The following KCNQ3 variants were observed in gnomAD, a reference collection of about 807,000 sequenced individuals.
KCNQ3 encodes potassium voltage-gated channel subfamily Q member 3, also known as potassium voltage-gated channel subfamily KQT member 3.
In KCNQ3, 30 loss-of-function variants were observed where a neutral mutation model predicts 92.5. The observed-to-expected ratio is 0.32, with a 90% CI of 0.24 to 0.44. The LOEUF (loss-of-function observed/expected upper bound fraction) is 0.44. Ranked by LOEUF, KCNQ3 falls within the 20% of genes least tolerant of loss-of-function variation. The probability of loss-of-function intolerance (pLI) is 1.00; values close to 1 mark genes in which losing one functional copy is unlikely to be tolerated. For synonymous variants in KCNQ3, 450 were observed against 468.8 expected, an observed-to-expected ratio of 0.96 and a Z score of 0.52; for missense variants, 913 against 1,140.3, an observed-to-expected ratio of 0.80 and a Z score of 2.87.
At chr8:132,445,223 A>G (rs542831919) in intron 1 of KCNQ3, among the ~76,000 whole-genome samples, 5 of 152,286 alleles carry the variant, frequency 3.3e-5, no homozygotes, top group African/African-American at 1.2e-4. Flanking sequence ...CATTCCTGTC[A>G]CTGTCACTTC....
chr8:132,207,462 C>T (rs562457499), intron 1 of KCNQ3, among the ~76,000 whole-genome samples: 9 of 152,262 alleles, frequency 5.9e-5, no homozygotes, highest in East Asian at 5.8e-4. Flanking sequence ...CTAGGAAAAA[C>T]GGAAACTAGA....
chr8:132,431,171 C>T (rs140071848), intron 1 of KCNQ3, among the ~76,000 whole-genome samples: 2 of 152,286 alleles, frequency 1.3e-5, no homozygotes, highest in African/African-American at 4.8e-5. Flanking sequence ...CCAAACACCA[C>T]GCATCAGGAC....
intron 14 of KCNQ3, 42 bp from the exon 15 acceptor site, chr8:132,130,038 G>A (rs1412331668): frequency 1.9e-6 from 3 of 1,606,936 alleles, no homozygotes; most frequent in Non-Finnish European, 2.5e-6. Flanking sequence ...TTTCTCTGAG[G>A]GTGGGGATCG....
At chr8:132,439,827 C>G (rs1235783753) in intron 1 of KCNQ3, among the ~76,000 whole-genome samples, 1 of 152,164 alleles carries the variant, frequency 6.6e-6, no homozygotes, top group Non-Finnish European at 1.5e-5. Context: ...GGACTTCTGA[C>G]CTTCAGACAT....
At chr8:132,227,432 G>T (rs1814467338) in intron 1 of KCNQ3, among the ~76,000 whole-genome samples, 1 of 152,160 alleles carries the variant, frequency 6.6e-6, no homozygotes, top group Admixed American at 6.5e-5. Context: ...AGAGGAAAGG[G>T]CATGAAGACA....
chr8:132,448,502 GAAAAA>G, intron 1 of KCNQ3, among the ~76,000 whole-genome samples: 65 of 93,850 alleles, frequency 6.9e-4, no homozygotes, highest in East Asian at 6.5e-4. Flanking sequence ...GGAGAAATAT[GAAAAA>G]AAAAAAAAAA....
intron 1 of KCNQ3, among the ~76,000 whole-genome samples, chr8:132,456,798 G>C (rs1362426415): frequency 6.6e-6 from 1 of 152,008 alleles, no homozygotes; most frequent in Non-Finnish European, 1.5e-5. Flanking sequence ...ATTTTTAATA[G>C]AGACGGGGTT....
In KCNQ3 at chr8:132,326,868, T is replaced by G. The variant is rs142313676; in HGVS notation, c.387-140687A>C. On this transcript the variant is annotated intron_variant, in intron 1 of 14. Transcript: ENST00000388996. ...ACTGAGATACTCATTCATTTATTCA[T>G]TCATTTACTCATTTGCCTTATCAAA... Among the ~76,000 whole-genome samples the G allele has an allele frequency of 1.8e-4, 27 of 152,368 alleles. No individual in the cohort carries two copies. In the East Asian group the frequency reaches 2.5e-3, roughly 14 times the overall value.
At chr8:132,186,042 T>A (rs200803543) in intron 2 of KCNQ3, 49 bp downstream of exon 2, 2 of 1,434,566 alleles carry the variant, frequency 1.4e-6, no homozygotes, top group Non-Finnish European at 9.8e-7. Flanking sequence ...CTCCTTTTCA[T>A]CACTCTGGAA....
intron 1 of KCNQ3, among the ~76,000 whole-genome samples, chr8:132,299,376 C>G (rs955415609): frequency 6.6e-6 from 1 of 152,116 alleles, no homozygotes; most frequent in Non-Finnish European, 1.5e-5. Context: ...GCTTTCTTCA[C>G]TTAAAAACCT....
At chr8:132,237,259 T>C (rs1237924887) in intron 1 of KCNQ3, among the ~76,000 whole-genome samples, 1 of 152,164 alleles carries the variant, frequency 6.6e-6, no homozygotes, top group Non-Finnish European at 1.5e-5. Context: ...ATGATGATGA[T>C]GATGGTAGCT....
intron 1 of KCNQ3, among the ~76,000 whole-genome samples, chr8:132,223,918 C>T (rs1204698351): frequency 6.6e-6 from 1 of 151,672 alleles, no homozygotes; most frequent in Non-Finnish European, 1.5e-5. Flanking sequence ...AATCTAACCA[C>T]CAGGATCATA....
intron 1 of KCNQ3, among the ~76,000 whole-genome samples, chr8:132,296,448 G>T (rs1364853302): frequency 6.6e-6 from 1 of 152,034 alleles, no homozygotes; most frequent in East Asian, 1.9e-4. Context: ...GTGCAGGTTT[G>T]TTACATATGT....
chr8:132,422,987 G>A (rs1821013818), intron 1 of KCNQ3, among the ~76,000 whole-genome samples: 1 of 152,164 alleles, frequency 6.6e-6, no homozygotes, highest in African/African-American at 2.4e-5. Flanking sequence ...GTAGGCAGAG[G>A]AACCAGGAGA....
At chr8:132,190,873 G>A (rs1185875416) in intron 1 of KCNQ3, among the ~76,000 whole-genome samples, 1 of 152,212 alleles carries the variant, frequency 6.6e-6, no homozygotes, top group East Asian at 1.9e-4. Flanking sequence ...TCCAAGGGAG[G>A]TCTGGGCTGC....
At chr8:132,293,115 C>G (rs1317114499) in intron 1 of KCNQ3, among the ~76,000 whole-genome samples, 1 of 152,166 alleles carries the variant, frequency 6.6e-6, no homozygotes, top group Non-Finnish European at 1.5e-5. Flanking sequence ...CATGGAAGCT[C>G]CACACCCCTT....
intron 1 of KCNQ3, among the ~76,000 whole-genome samples, chr8:132,265,431 C>T (rs1214281971): frequency 6.6e-6 from 1 of 152,222 alleles, no homozygotes. Flanking sequence ...GCACACTAAA[C>T]CGCAAGGGAA....
intron 1 of KCNQ3, among the ~76,000 whole-genome samples, chr8:132,360,714 A>C (rs1819141688): frequency 6.6e-6 from 1 of 151,830 alleles, no homozygotes; most frequent in Non-Finnish European, 1.5e-5. Context: ...CACCTCATTT[A>C]CTTCCTTCTT....
In KCNQ3 at chr8:132,129,444, T is replaced by C; in HGVS notation, c.2437A>G (p.Arg813Gly). 6.2e-7 allele frequency: 1 copy of C among 1,613,990 alleles called. No homozygotes were observed. ...TTGGGGCCGAACACATAATCATCTCTGTCCTGGGAGATGCTGAAGCCACTT... is the reference window on the plus strand; with the variant it reads ...TTGGGGCCGAACACATAATCATCTCCGTCCTGGGAGATGCTGAAGCCACTT... ...SPSGFSISQD[R>G]DDYVFGPNGG... is the part of the protein sequence containing the mutation. The change falls in exon 15 of 15, where the codon AGA (arginine) becomes GGA (glycine). Residue 813 changes from arginine to glycine, a missense_variant. Arg to Gly is a moderately radical substitution (Grantham distance 125). This residue lies in a region of KCNQ3 where 375 missense variants were observed against 376.4 expected (regional missense o/e 1.00). Coordinates refer to ENST00000388996, the MANE Select transcript of KCNQ3 (RefSeq NM_004519.4). This position sits in a 1 kb window ranked among gnomAD's most constrained non-coding sequence, Gnocchi z 5.9.
Sources: allele counts gnomAD v4.1 joint callset (sites outside exome capture counted in the v4.1 genomes callset), GRCh38; gene constraint gnomAD v4.1.1; regional missense constraint gnomAD v4.1.1; non-coding constraint Gnocchi (gnomAD v3.1); transcripts MANE v1.5; gene names NCBI Gene and HGNC (gene_info 2026-07-23, HGNC 2026-07-21).